CERS4: variants seen among roughly 807,000 people sequenced by gnomAD.
CERS4 encodes the protein ceramide synthase 4, also known as LAG1 homolog, ceramide synthase 4.
CERS4 carries 65 observed loss-of-function variants against 51.8 expected under a neutral mutation model. The ratio of observed to expected loss-of-function variants is 1.26; its 90% CI spans 1.03 to 1.54. CERS4 has a LOEUF of 1.54. Among genes scored for constraint, CERS4 ranks in the 40% most tolerant of loss-of-function variants. The pLI, the probability that CERS4 is intolerant of heterozygous loss-of-function variation, is 0.00. For missense variants in CERS4, 563 were observed against 500.4 expected, an observed-to-expected ratio of 1.13 and a Z score of -1.19; for synonymous variants, 228 against 208.4, an observed-to-expected ratio of 1.09 and a Z score of -0.81.
intron 2 of CERS4, among the ~76,000 whole-genome samples, chr19:8,217,481 G>A (rs1382088590): frequency 1.3e-5 from 2 of 151,630 alleles, no homozygotes; most frequent in East Asian, 3.9e-4. Flanking sequence ...CGATCCTCCT[G>A]CATCAGCTTC....
intron 2 of CERS4, chr19:8,238,487 A>G: frequency 1.0e-6 from 1 of 985,166 alleles, no homozygotes; most frequent in Non-Finnish European, 1.2e-6. Context: ...GAATCATACC[A>G]TCTGGATGGC....
intron 2 of CERS4, among the ~76,000 whole-genome samples, chr19:8,225,461 C>T (rs533178466): frequency 1.3e-5 from 2 of 151,124 alleles, no homozygotes; most frequent in Non-Finnish European, 3.0e-5. Flanking sequence ...ACTCTTGGCC[C>T]CCCAGGCTGG....
intron 2 of CERS4, among the ~76,000 whole-genome samples, chr19:8,221,130 ATT>A (rs577339714): frequency 5.5e-4 from 74 of 133,836 alleles, no homozygotes; most frequent in East Asian, 1.3e-3. Flanking sequence ...CGGCCTGTGT[ATT>A]TTTTTTTTTT....
At chr19:8,245,127 A>ACAAAAAAAAACAAAAAAAAACAAAAC (rs1198999411) in intron 2 of CERS4, among the ~76,000 whole-genome samples, 1 of 142,188 alleles carries the variant, frequency 7.0e-6, no homozygotes, top group East Asian at 2.1e-4. Context: ...AAAAAAAAAA[A>ACAAAAAAAAACAAAAAAAAACAAAAC]AAAAAAAACA....
chr19:8,244,844 G>A (rs543917070), intron 2 of CERS4, among the ~76,000 whole-genome samples: 2 of 151,290 alleles, frequency 1.3e-5, no homozygotes, highest in East Asian at 4.0e-4. Flanking sequence ...CCCTAGGCTG[G>A]TCTTGAACTC....
chr19:8,261,825 G>A lies in CERS4; in HGVS notation c.986G>A (p.Ser329Asn). Residue 329 changes from serine to asparagine, a missense_variant, in exon 11 of 12, where the codon AGC becomes AAC. Coordinates refer to ENST00000251363, the MANE Select transcript of CERS4 (RefSeq NM_024552.3). ...TGCCTCATTCTGCGCATGCTCTATA[G>A]CTTCATGAAGAAGGGCCAGGTATGG... The part of the protein sequence containing the change: ...WSCLILRMLY[S>N]FMKKGQMEKD... 6.2e-7 allele frequency: 1 copy of A among 1,614,160 alleles called. No homozygotes were observed. Among genetic ancestry groups the A allele is most frequent in the Non-Finnish European group, 8.5e-7 (1 of 1,180,008 alleles).
chr19:8,257,649 C>T lies in CERS4; in HGVS notation c.742-230C>T, dbSNP rs555102993. On this transcript the variant is annotated intron_variant, in intron 9 of 11. Transcript: ENST00000251363. ...TTCACCATGTTGGCCAGGCTGGTCT[C>T]GAACTCCTGACCTCAGGTGATCTGC... Among the ~76,000 whole-genome samples the T allele has an allele frequency of 7.2e-5, 11 of 152,232 alleles. No individual in the cohort carries two copies. The East Asian group carries it at 2.1e-3, about 29-fold the overall frequency.
At chr19:8,211,890 C>CAA (rs57231018) in intron 2 of CERS4, among the ~76,000 whole-genome samples, 1,225 of 75,234 alleles carry the variant, frequency 0.016, 16 homozygotes, top group African/African-American at 0.048. Flanking sequence ...AGACTATCTC[C>CAA]AAAAAAAAAA....
chr19:8,248,755 GGATGGATGGATGGAT>G lies in CERS4; in HGVS notation c.-1-2315_-1-2301del, dbSNP rs898171367. Among the ~76,000 whole-genome samples, 111 of 151,336 alleles carry G rather than the reference GGATGGATGGATGGAT, an allele frequency of 7.3e-4. 1 individual carries two copies. The highest frequency in any genetic ancestry group is 2.3e-3 in the African/African-American group (96 of 41,006). On this transcript the variant is annotated intron_variant, in intron 2 of 11. Coordinates refer to ENST00000251363, the MANE Select transcript of CERS4 (RefSeq NM_024552.3). Reference sequence around the variant, plus strand: ...ACGATAGGTGGATGGACAGGTGTTTGGATGGATGGATGGATGATGGGTGGATGGATGAATGGGTAG... The same window carrying G: ...ACGATAGGTGGATGGACAGGTGTTTGGATGGGTGGATGGATGAATGGGTAG...
rs181734712 is a variant in CERS4, at chr19:8,217,739, C to G, written c.-2+6877C>G. 2.3e-3 allele frequency among the ~76,000 whole-genome samples: 356 copies of G among 151,950 alleles called. 13 individuals carry two copies. The highest frequency in any genetic ancestry group is 0.018 in the Admixed American group (270 of 15,208). On this transcript the variant is annotated intron_variant, in intron 2 of 11. Coordinates refer to ENST00000251363, the MANE Select transcript of CERS4 (RefSeq NM_024552.3). ...TTTTTAGTAGAGACGGGGTTTCACC[C>G]TGTTAGCCAGGATGGTCTCGATCTC...
rs967351758 is a variant in CERS4 at position 8,251,011 on chromosome 19, A to G, written c.-1-65A>G. On this transcript the variant is annotated intron_variant, in intron 2 of 11. Transcript: ENST00000251363. ...AGGAGTTCTGAGGCTCCAGCCTCTC[A>G]GGCCCCACTTGCCCCACCCATTCTG... 32 of 1,503,176 alleles carry G rather than the reference A, an allele frequency of 2.1e-5. No homozygotes were observed. The East Asian group carries it at 7.7e-4, about 36-fold the overall frequency. 93.1% of individuals were successfully genotyped at this position (1,503,176 alleles called of 1,614,324 possible). A position where few individuals can be genotyped will look rare whatever the true frequency, so the allele number is the denominator to read the frequency against.
At chr19:8,234,773 C>G (rs1418805042) in intron 2 of CERS4, among the ~76,000 whole-genome samples, 3 of 151,170 alleles carry the variant, frequency 2.0e-5, no homozygotes, top group East Asian at 2.0e-4. Context: ...AGGCTGGTCT[C>G]GAACTCCTGA....
At chr19:8,255,768 G>A (rs745773537) in intron 5 of CERS4, 43 bp downstream of exon 5, 86 of 1,590,884 alleles carry the variant, frequency 5.4e-5, no homozygotes, top group Admixed American at 1.4e-4. Flanking sequence ...GAAGCGGGCC[G>A]GGGTGGGGCG....
At chr19:8,256,031 C>A in intron 6 of CERS4, 152 bp downstream of exon 6, 1 of 970,940 alleles carries the variant, frequency 1.0e-6, no homozygotes, top group Non-Finnish European at 1.5e-6. Flanking sequence ...AATGTTCACT[C>A]AACAGGTATT....
At chr19:8,240,142 A>G (rs1248170345) in intron 2 of CERS4, among the ~76,000 whole-genome samples, 2 of 152,092 alleles carry the variant, frequency 1.3e-5, no homozygotes, top group East Asian at 1.9e-4. Flanking sequence ...GGGTGCAAAC[A>G]TGGTACAAGT....
intron 2 of CERS4, among the ~76,000 whole-genome samples, chr19:8,220,385 A>G (rs887875775): frequency 4.0e-5 from 6 of 151,754 alleles, no homozygotes; most frequent in African/African-American, 9.7e-5. Flanking sequence ...GCTCACTACA[A>G]TCTCCACCTC....
At chr19:8,221,869 T>C (rs1308621744) in intron 2 of CERS4, among the ~76,000 whole-genome samples, 2 of 119,704 alleles carry the variant, frequency 1.7e-5, no homozygotes, top group African/African-American at 6.9e-5. Flanking sequence ...TTTATTTTTT[T>C]ATGTTTTTTT....
At chr19:8,257,231 TC>T in intron 9 of CERS4, 154 bp downstream of exon 9, 2 of 792,888 alleles carry the variant, frequency 2.5e-6, no homozygotes, top group Non-Finnish European at 3.9e-6. Context: ...CCCTCTGTCT[TC>T]CAGGCTGATA....
intron 3 of CERS4, among the ~76,000 whole-genome samples, chr19:8,252,346 G>T (rs1640035352): frequency 7.2e-6 from 1 of 139,516 alleles, no homozygotes; most frequent in African/African-American, 2.7e-5. Flanking sequence ...CTCCAGCCTG[G>T]GCAACAAGAG....
Sources: allele counts gnomAD v4.1 joint callset (sites outside exome capture counted in the v4.1 genomes callset), GRCh38; gene constraint gnomAD v4.1.1; transcripts MANE v1.5; gene names NCBI Gene and HGNC (gene_info 2026-07-23, HGNC 2026-07-21).